The following XIRP2 variants were observed in gnomAD, a reference collection of about 807,000 sequenced individuals.
XIRP2 encodes the protein xin actin binding repeat containing 2, also known as xin actin-binding repeat-containing protein 2.
In XIRP2, 236 loss-of-function variants were observed where a neutral mutation model predicts 277.0. That is an observed-to-expected ratio of 0.85 (90% CI 0.77 to 0.95). The LOEUF is 0.95. XIRP2 is among the 40% of genes least tolerant of loss of function. The pLI is 0.00. For synonymous variants in XIRP2, 1,490 were observed against 1,416.5 expected (o/e 1.05, Z -1.17); for missense variants, 4,640 against 4,157.5 (o/e 1.12, Z -3.19).
At chr2:166,894,217 C>T (rs1684182016) in intron 1 of XIRP2, among the ~76,000 whole-genome samples, 1 of 152,098 alleles carries the variant, frequency 6.6e-6, no homozygotes, top group Non-Finnish European at 1.5e-5. Flanking sequence ...CTTTTGTAAA[C>T]ACGCAGTCTT....
chr2:166,963,232 T>A (rs564183566), intron 2 of XIRP2, among the ~76,000 whole-genome samples: 1 of 151,892 alleles, frequency 6.6e-6, no homozygotes, highest in South Asian at 2.1e-4. Flanking sequence ...TTATAAACAA[T>A]ATAGCTCCAA....
chr2:167,246,746 T>A lies in XIRP2; in HGVS notation c.5354T>A (p.Val1785Asp). 1 of 1,613,780 alleles carries A rather than the reference T, an allele frequency of 6.2e-7. No individual in the cohort carries two copies. Among genetic ancestry groups the A allele is most frequent in the Non-Finnish European group, 8.5e-7 (1 of 1,179,802 alleles). The change falls in exon 9 of 11, where the codon GTT becomes GAT. Residue 1785 changes from valine to aspartate, a missense_variant. Physicochemically the swap from Val to Asp is radical, Grantham distance 152. Transcript: ENST00000409195. ...EGEKEIIGGD[V>D]EGTKLLLKKR... Reference sequence around the variant, plus strand: ...GAGAAAGAAATCATTGGTGGTGATGTTGAAGGTACAAAACTGTTACTGAAG... The same window carrying A: ...GAGAAAGAAATCATTGGTGGTGATGATGAAGGTACAAAACTGTTACTGAAG...
In XIRP2 at chr2:167,033,412, C is replaced by T. The variant is rs537336607; in HGVS notation, c.409-102497C>T. ...GTGAAATAAACATGCATGTTCTGCACGTGTATCCCAGAACTTAAAGTATAA... is the reference window on the plus strand; with the variant it reads ...GTGAAATAAACATGCATGTTCTGCATGTGTATCCCAGAACTTAAAGTATAA... On this transcript the variant is annotated intron_variant, in intron 2 of 10. Transcript: ENST00000409195. 2.0e-5 allele frequency among the ~76,000 whole-genome samples: 3 copies of T among 152,152 alleles called. No homozygotes were observed. The South Asian group carries it at 6.2e-4, about 32-fold the overall frequency.
At chr2:166,911,939 A>G (rs1037644810) in intron 2 of XIRP2, among the ~76,000 whole-genome samples, 2 of 151,802 alleles carry the variant, frequency 1.3e-5, no homozygotes, top group Non-Finnish European at 2.9e-5. Flanking sequence ...TTTGGCCTCC[A>G]CTCTCTTCTG....
At chr2:167,129,844 T>A (rs1691323053) in intron 2 of XIRP2, among the ~76,000 whole-genome samples, 1 of 143,762 alleles carries the variant, frequency 7.0e-6, no homozygotes, top group Non-Finnish European at 1.5e-5. Flanking sequence ...CACTCCAGCC[T>A]GAGCAAGAGT....
At chr2:166,962,652 G>A (rs759731253) in intron 2 of XIRP2, among the ~76,000 whole-genome samples, 6 of 151,786 alleles carry the variant, frequency 4.0e-5, no homozygotes, top group African/African-American at 1.4e-4. Flanking sequence ...ACAAAATAAT[G>A]CCTTGTTGAA....
At chr2:167,030,714 T>C (rs1428552225) in intron 2 of XIRP2, among the ~76,000 whole-genome samples, 2 of 152,132 alleles carry the variant, frequency 1.3e-5, no homozygotes, top group Non-Finnish European at 2.9e-5. Context: ...GTTCTGCAGA[T>C]GTCTATTGGG....
At chr2:167,087,646 G>A (rs1310672751) in intron 2 of XIRP2, among the ~76,000 whole-genome samples, 1 of 152,202 alleles carries the variant, frequency 6.6e-6, no homozygotes, top group Non-Finnish European at 1.5e-5. Flanking sequence ...ATCTCGTGGT[G>A]TGCCGTTTTT....
chr2:167,052,930 C>T (rs1040198097), intron 2 of XIRP2, among the ~76,000 whole-genome samples: 1 of 152,182 alleles, frequency 6.6e-6, no homozygotes, highest in Non-Finnish European at 1.5e-5. Context: ...TAGTTGTAGA[C>T]ATCCAAAAAT....
rs564376673 is a variant in XIRP2 at position 166,921,837 on chromosome 2, C to A, written c.408+17947C>A. Among the ~76,000 whole-genome samples, 7 of 152,212 alleles carry A rather than the reference C, an allele frequency of 4.6e-5. 1 individual carries two copies. Among genetic ancestry groups the A allele is most frequent in the African/African-American group, 1.7e-4 (7 of 41,530 alleles). On this transcript the variant is annotated intron_variant, in intron 2 of 10. Coordinates refer to ENST00000409195, the MANE Select transcript of XIRP2 (RefSeq NM_152381.6). ...AGCTGTACTCCTGCTCATCTGACAG[C>A]AGATCTTTGATAACTTGATGTTGAT...
chr2:166,936,899 CT>C (rs1181040060), intron 2 of XIRP2, among the ~76,000 whole-genome samples: 1 of 152,072 alleles, frequency 6.6e-6, no homozygotes, highest in Non-Finnish European at 1.5e-5. Context: ...AATGTGGGCC[CT>C]TTTTTGGTTC....
At chr2:167,129,362 CG>C (rs1227505844) in intron 2 of XIRP2, among the ~76,000 whole-genome samples, 1 of 151,670 alleles carries the variant, frequency 6.6e-6, no homozygotes, top group Admixed American at 6.6e-5. Context: ...TCTTCACTCA[CG>C]GATCCACACT....
At chr2:167,034,729 G>C (rs529598979) in intron 2 of XIRP2, among the ~76,000 whole-genome samples, 26 of 152,198 alleles carry the variant, frequency 1.7e-4, no homozygotes, top group Non-Finnish European at 2.9e-4. Context: ...AATTCAGCAA[G>C]AGTATATAAC....
At chr2:166,934,735 G>T (rs1018628903) in intron 2 of XIRP2, among the ~76,000 whole-genome samples, 10 of 152,114 alleles carry the variant, frequency 6.6e-5, no homozygotes, top group African/African-American at 2.4e-4. Flanking sequence ...CAATCAGGCT[G>T]GGTGTGGTGG....
In XIRP2 at chr2:167,248,219, T is replaced by A; in HGVS notation, c.6827T>A (p.Phe2276Tyr). 1 of 1,613,588 alleles carries A rather than the reference T, an allele frequency of 6.2e-7. No homozygotes were observed. The highest frequency in any genetic ancestry group is 1.1e-5 in the South Asian group (1 of 91,068). Reference sequence around the variant, plus strand: ...GAAAGGTCCTTGAATCCAATCAACTTTAACCCTGAGAATAATGTAAAAGAA... The same window carrying A: ...GAAAGGTCCTTGAATCCAATCAACTATAACCCTGAGAATAATGTAAAAGAA... ...AMERSLNPINFNPENNVKESE... is the reference protein window; with the variant it reads ...AMERSLNPINYNPENNVKESE... The change falls in exon 9 of 11, where the codon TTT becomes TAT. Residue 2276 changes from phenylalanine (F) to tyrosine (Y), a missense_variant. Phe to Tyr is a conservative substitution (Grantham distance 22). Coordinates refer to ENST00000409195, the MANE Select transcript of XIRP2 (RefSeq NM_152381.6).
In XIRP2 at chr2:167,210,780, G is replaced by C. The variant is rs1333883628; in HGVS notation, c.608G>C (p.Ser203Thr). The C allele has an allele frequency of 6.2e-7, 1 of 1,614,230 alleles. No individual in the cohort carries two copies. Among genetic ancestry groups the C allele is most frequent in the East Asian group, 2.2e-5 (1 of 44,874 alleles). Residue 203 changes from serine to threonine, a missense_variant, in exon 4 of 11, where the codon AGT (serine) becomes ACT (threonine). Coordinates refer to ENST00000409195, the MANE Select transcript of XIRP2 (RefSeq NM_152381.6). ...NKPESGFAED[S>T]AARGEGVSDL... Reference sequence around the variant, plus strand: ...CCTGAGAGTGGATTTGCAGAAGACAGTGCTGCTCGGGGCGAGGGTGTGTCA... The same window carrying C: ...CCTGAGAGTGGATTTGCAGAAGACACTGCTGCTCGGGGCGAGGGTGTGTCA...
At chr2:167,024,938 G>T (rs1276554452) in intron 2 of XIRP2, among the ~76,000 whole-genome samples, 1 of 152,140 alleles carries the variant, frequency 6.6e-6, no homozygotes, top group Non-Finnish European at 1.5e-5. Context: ...CTCTCTGCCA[G>T]GCATTGGTAT....
intron 2 of XIRP2, among the ~76,000 whole-genome samples, chr2:167,018,943 G>A (rs1432188682): frequency 1.3e-5 from 2 of 151,942 alleles, no homozygotes; most frequent in Non-Finnish European, 2.9e-5. Context: ...CTGGAAGGCA[G>A]GGATTTTTTT....
intron 10 of XIRP2, among the ~76,000 whole-genome samples, chr2:167,255,666 C>T (rs931528735): frequency 4.0e-5 from 6 of 151,726 alleles, no homozygotes; most frequent in African/African-American, 1.5e-4. Flanking sequence ...CACTACATAC[C>T]GTGTTATCTC....
Sources: allele counts gnomAD v4.1 joint callset (sites outside exome capture counted in the v4.1 genomes callset), GRCh38; gene constraint gnomAD v4.1.1; transcripts MANE v1.5; gene names NCBI Gene and HGNC (gene_info 2026-07-23, HGNC 2026-07-21).